The following LDLRAD4 variants were observed in gnomAD, a reference collection of about 807,000 sequenced individuals.
LDLRAD4 encodes the protein low-density lipoprotein receptor class A domain-containing protein 4.
In LDLRAD4, 5 loss-of-function variants were observed where a neutral mutation model predicts 17.0. The ratio of observed to expected loss-of-function variants is 0.29; its 90% CI spans 0.15 to 0.62. The LOEUF is 0.62. Ranked by LOEUF, LDLRAD4 falls within the 20% of genes least tolerant of loss-of-function variation. The probability of loss-of-function intolerance (pLI) is 0.84; values close to 1 mark genes in which losing one functional copy is unlikely to be tolerated. For synonymous variants in LDLRAD4, 168 were observed against 171.8 expected, an observed-to-expected ratio of 0.98 and a Z score of 0.17; for missense variants, 340 against 424.7, an observed-to-expected ratio of 0.80 and a Z score of 1.75.
intron 2 of LDLRAD4, among the ~76,000 whole-genome samples, chr18:13,424,609 T>C (rs1256966030): frequency 6.6e-6 from 1 of 152,112 alleles, no homozygotes; most frequent in Non-Finnish European, 1.5e-5. Context: ...CATGGGAACA[T>C]GGAAGCGGTG....
chr18:13,330,286 C>CT lies in LDLRAD4; in HGVS notation c.-383+52104dup, dbSNP rs555527942. On this transcript the variant is annotated intron_variant, in intron 1 of 5. Transcript: ENST00000359446. ...CTCCCCTCCAGTTTTTTTAGTACTA[C>CT]TTTTTTGTTAATTTTTCCACTTTAG... 2.6e-5 allele frequency among the ~76,000 whole-genome samples: 4 copies of CT among 152,074 alleles called. No homozygotes were observed. In the East Asian group the frequency reaches 7.7e-4, roughly 29 times the overall value.
intron 3 of LDLRAD4, among the ~76,000 whole-genome samples, chr18:13,600,368 A>C (rs768973002): frequency 6.6e-6 from 1 of 152,230 alleles, no homozygotes; most frequent in Non-Finnish European, 1.5e-5. Context: ...ATTTGGTCCT[A>C]GCAATGAAAT....
At chr18:13,572,933 G>A (rs2094713452) in intron 3 of LDLRAD4, among the ~76,000 whole-genome samples, 1 of 152,230 alleles carries the variant, frequency 6.6e-6, no homozygotes, top group South Asian at 2.1e-4. Flanking sequence ...ACAGACGCCA[G>A]TGAGGCCAGG....
rs115069798 is a variant in LDLRAD4, at chr18:13,417,005, C to T, written c.41-21239C>T. ...AACCACAGACAGGTTAAGTGGCTTG[C>T]GCAAGATTGCACAGCCAGTAAGTAG... On this transcript the variant is annotated intron_variant, in intron 2 of 5. Coordinates refer to ENST00000359446, the Ensembl canonical transcript of LDLRAD4. 6.4e-3 allele frequency among the ~76,000 whole-genome samples: 969 copies of T among 152,248 alleles called. 9 individuals are homozygous for T. Among genetic ancestry groups the T allele is most frequent in the African/African-American group, 0.022 (907 of 41,542 alleles).
At chr18:13,421,434 C>T (rs914930578) in intron 2 of LDLRAD4, among the ~76,000 whole-genome samples, 2 of 152,108 alleles carry the variant, frequency 1.3e-5, no homozygotes, top group African/African-American at 2.4e-5. Flanking sequence ...GCCTCCCAGC[C>T]CTCCCCCAGG....
intron 2 of LDLRAD4, among the ~76,000 whole-genome samples, chr18:13,410,582 A>G (rs1452237592): frequency 6.6e-6 from 1 of 152,234 alleles, no homozygotes; most frequent in Non-Finnish European, 1.5e-5. Context: ...ATCTGCATTA[A>G]TGGATGGAAA....
At position 13,410,593 on chromosome 18, in the gene LDLRAD4, CAT is replaced by C. The variant is rs1568114400; in HGVS notation, c.40+22833_40+22834del. Among the ~76,000 whole-genome samples the C allele has an allele frequency of 2.6e-5, 4 of 152,290 alleles. No homozygotes were observed. The South Asian group carries it at 6.2e-4, about 24-fold the overall frequency. On this transcript the variant is annotated intron_variant, in intron 2 of 5. Coordinates refer to ENST00000359446, the Ensembl canonical transcript of LDLRAD4. ...CTTAATCTGCATTAATGGATGGAAA[CAT>C]AGCATATAAGGAGTCCAGGATGACA...
chr18:13,226,354 C>G (rs2041805459), intron 1 of LDLRAD4, among the ~76,000 whole-genome samples: 1 of 151,744 alleles, frequency 6.6e-6, no homozygotes, highest in Non-Finnish European at 1.5e-5. Flanking sequence ...TGGGTAGATT[C>G]TTAAAAGGGA....
intron 1 of LDLRAD4, among the ~76,000 whole-genome samples, chr18:13,347,024 C>A (rs952245842): frequency 7.2e-5 from 11 of 152,158 alleles, no homozygotes; most frequent in African/African-American, 2.7e-4. Flanking sequence ...ACTTTTTATC[C>A]AATTTGCCAG....
chr18:13,258,387 A>G (rs1300646486), intron 1 of LDLRAD4, among the ~76,000 whole-genome samples: 1 of 151,768 alleles, frequency 6.6e-6, no homozygotes, highest in Non-Finnish European at 1.5e-5. Context: ...TTTTGTTAGC[A>G]TTAACATGGA....
chr18:13,404,785 G>A (rs867366558), intron 2 of LDLRAD4, among the ~76,000 whole-genome samples: 1 of 148,298 alleles, frequency 6.7e-6, no homozygotes, highest in African/African-American at 2.5e-5. Flanking sequence ...GCGACTGAGC[G>A]AAACTCCGTC....
intron 2 of LDLRAD4, among the ~76,000 whole-genome samples, chr18:13,431,873 T>A (rs1025335145): frequency 6.6e-5 from 10 of 152,338 alleles, no homozygotes; most frequent in African/African-American, 1.2e-4. Context: ...ACACAGAATA[T>A]AAACCTTCAA....
At chr18:13,472,500 TCCCGA>T (rs2092806804) in intron 3 of LDLRAD4, 2 of 152,390 alleles carry the variant, frequency 1.3e-5, no homozygotes, top group Non-Finnish European at 2.9e-5. Flanking sequence ...GCCTGCAGGA[TCCCGA>T]CCCTGTCCAG....
Position 13,527,273 on chromosome 18 carries a change from G to A in LDLRAD4, c.181+88889G>A, listed in dbSNP as rs920745697. 5.9e-5 allele frequency among the ~76,000 whole-genome samples: 9 copies of A among 152,248 alleles called. No individual in the cohort carries two copies. The South Asian group carries it at 6.2e-4, about 10-fold the overall frequency. On this transcript the variant is annotated intron_variant, in intron 3 of 5. Transcript: ENST00000359446. ...CGTCACAGATCAGCCTTAGAGAGTC[G>A]TGCATGGGAAGATGTCTTAATATTG...
chr18:13,450,551 G>A (rs780711143), intron 3 of LDLRAD4, among the ~76,000 whole-genome samples: 6 of 152,334 alleles, frequency 3.9e-5, no homozygotes, highest in Admixed American at 6.5e-5. Flanking sequence ...TATTGAATGC[G>A]TGAGAGGCAT....
At chr18:13,580,660 G>A (rs912038682) in intron 3 of LDLRAD4, among the ~76,000 whole-genome samples, 39 of 152,262 alleles carry the variant, frequency 2.6e-4, no homozygotes, top group African/African-American at 6.5e-4. Flanking sequence ...CAGACTTCTC[G>A]GGGGACTGGC....
chr18:13,407,046 A>G (rs1026943556), intron 2 of LDLRAD4, among the ~76,000 whole-genome samples: 1 of 152,214 alleles, frequency 6.6e-6, no homozygotes, highest in Non-Finnish European at 1.5e-5. Context: ...GGCGGGCTGC[A>G]GGACGGAATA....
At chr18:13,280,673 A>G (rs533330900) in intron 1 of LDLRAD4, among the ~76,000 whole-genome samples, 1 of 152,352 alleles carries the variant, frequency 6.6e-6, no homozygotes, top group East Asian at 1.9e-4. Context: ...ACCTCCGCAT[A>G]AGACAATGCA....
rs1054649358 is a variant in LDLRAD4, at chr18:13,279,483, C to G, written c.-383+1295C>G. ...TGAATTGACCCACCAAAAACTAGCA[C>G]TGTCTTCAAGTAGAATTTTACTAGG... On this transcript the variant is annotated intron_variant, in intron 1 of 5. Coordinates refer to ENST00000359446, the Ensembl canonical transcript of LDLRAD4. 4 of 152,242 alleles carry G rather than the reference C, an allele frequency of 2.6e-5. 1 individual carries two copies. Among genetic ancestry groups the G allele is most frequent in the Admixed American group, 2.6e-4 (4 of 15,286 alleles). 9.4% of individuals were successfully genotyped at this position (152,242 alleles called of 1,614,324 possible). A position where few individuals can be genotyped will look rare whatever the true frequency, so the allele number is the denominator to read the frequency against.
Sources: allele counts gnomAD v4.1 joint callset (sites outside exome capture counted in the v4.1 genomes callset), GRCh38; gene constraint gnomAD v4.1.1; transcripts MANE v1.5; gene names NCBI Gene and HGNC (gene_info 2026-07-23, HGNC 2026-07-21).